ARVCF: variants seen among roughly 807,000 people sequenced by gnomAD.
The protein encoded by ARVCF is splicing regulator ARVCF.
ARVCF carries 66 observed loss-of-function variants against 90.9 expected under a neutral mutation model. The observed-to-expected ratio is 0.73, with a 90% CI of 0.60 to 0.89. The LOEUF (loss-of-function observed/expected upper bound fraction) is 0.89, where lower values mean the gene tolerates loss of function less well. ARVCF is among the 40% of genes least tolerant of loss of function. ARVCF has a pLI of 0.00. For synonymous variants in ARVCF, 653 were observed against 603.4 expected, an observed-to-expected ratio of 1.08 and a Z score of -1.21; for missense variants, 1,469 against 1,382.3, an observed-to-expected ratio of 1.06 and a Z score of -1.00.
At chr22:19,973,611 T>A in intron 13 of ARVCF, 32 bp downstream of exon 13, 1 of 1,584,112 alleles carries the variant, frequency 6.3e-7, no homozygotes, top group Non-Finnish European at 8.6e-7. Context: ...CACAGTTCGG[T>A]GCCCAGGCGT....
intron 2 of ARVCF, among the ~76,000 whole-genome samples, chr22:20,006,736 A>G (rs1275950205): frequency 6.6e-6 from 1 of 150,878 alleles, no homozygotes; most frequent in Non-Finnish European, 1.5e-5. Context: ...GGTTCAAGTG[A>G]TTCTCCTGCC....
chr22:19,981,445 C>A lies in ARVCF; in HGVS notation c.662G>T (p.Gly221Val), dbSNP rs1943493612. ...RPPRAGPLGP[G>V]PGDGCFTLPG... ...CAGTGTGAAGCAGCCATCACCAGGG[C>A]CTGGGCCAAGGGGGCCAGCACGTGG... The change falls in exon 5 of 20, where the codon GGC (glycine) becomes GTC (valine). Residue 221 changes from glycine (G) to valine (V), a missense_variant. Gly to Val is a moderately radical substitution (Grantham distance 109). Transcript: ENST00000263207. 1.3e-6 allele frequency: 2 copies of A among 1,560,156 alleles called. No individual in the cohort carries two copies. The highest frequency in any genetic ancestry group is 1.9e-5 in the Admixed American group (1 of 52,298).
chr22:19,975,319 CTGGCT>C (rs1943090252), intron 11 of ARVCF, among the ~76,000 whole-genome samples: 1 of 152,232 alleles, frequency 6.6e-6, no homozygotes, highest in African/African-American at 2.4e-5. Context: ...GCATGCCCGC[CTGGCT>C]CCCAGCCCCC....
intron 1 of ARVCF, among the ~76,000 whole-genome samples, chr22:20,012,346 C>T (rs1409035346): frequency 2.6e-5 from 4 of 152,244 alleles, no homozygotes; most frequent in African/African-American, 9.6e-5. Flanking sequence ...GTGCACTAGG[C>T]ACATCAGCAT....
intron 3 of ARVCF, 37 bp downstream of exon 3, chr22:19,990,548 G>A: frequency 1.3e-6 from 2 of 1,569,506 alleles, no homozygotes; most frequent in South Asian, 1.1e-5. Flanking sequence ...TTTCCCACTT[G>A]GCAATTTTCA....
Position 19,973,421 on chromosome 22 carries a change from G to A in ARVCF, c.2240-104C>T. On this transcript the variant is annotated intron_variant, in intron 13 of 19. Coordinates refer to ENST00000263207, the MANE Select transcript of ARVCF (RefSeq NM_001670.3). ...GGGCACTGCCAGGAGAGCCCCTGGA[G>A]ACCGCCTGTGTGCAGGCGGTCACAG... The A allele has an allele frequency of 2.8e-6, 4 of 1,404,640 alleles. No individual in the cohort carries two copies. The South Asian group carries it at 5.6e-5, about 20-fold the overall frequency. 87.0% of individuals were successfully genotyped at this position (1,404,640 alleles called of 1,614,324 possible).
intron 2 of ARVCF, among the ~76,000 whole-genome samples, chr22:19,993,880 C>A (rs1944123255): frequency 6.6e-6 from 1 of 152,196 alleles, no homozygotes; most frequent in Admixed American, 6.5e-5. Context: ...CAGCCCCCAC[C>A]CAGCCCCAGC....
At chr22:19,979,149 G>A (rs1601596907) in intron 6 of ARVCF, 69 bp from the exon 7 acceptor site, 15 of 1,512,104 alleles carry the variant, frequency 9.9e-6, no homozygotes, top group Middle Eastern at 1.8e-4. Context: ...AGGTGGCCAC[G>A]CTCAGGACCT....
intron 2 of ARVCF, among the ~76,000 whole-genome samples, chr22:19,997,888 G>A (rs961977871): frequency 1.3e-5 from 2 of 152,238 alleles, no homozygotes; most frequent in African/African-American, 2.4e-5. Flanking sequence ...CACCCACCCC[G>A]CAAGGTGCCG....
intron 10 of ARVCF, 86 bp downstream of exon 10, chr22:19,976,620 G>A: frequency 8.6e-6 from 13 of 1,505,866 alleles, no homozygotes; most frequent in Non-Finnish European, 1.1e-5. Context: ...GGGTGGGGCA[G>A]GGCCCTGGGG....
chr22:19,984,890 G>A (rs1943683741), intron 3 of ARVCF, among the ~76,000 whole-genome samples: 1 of 152,238 alleles, frequency 6.6e-6, no homozygotes, highest in African/African-American at 2.4e-5. Context: ...AAACTGAGGT[G>A]TAGAGTAGTG....
chr22:19,970,908 G>T (rs1569142513), intron 19 of ARVCF, among the ~76,000 whole-genome samples, 165 bp from the exon 20 acceptor site: 1 of 152,180 alleles, frequency 6.6e-6, no homozygotes, highest in Admixed American at 6.5e-5. Context: ...TTGGCACCAG[G>T]GCTGATCCTG....
chr22:20,002,729 C>G (rs1047623415), intron 2 of ARVCF, among the ~76,000 whole-genome samples: 1 of 152,204 alleles, frequency 6.6e-6, no homozygotes, highest in African/African-American at 2.4e-5. Flanking sequence ...GCTGCCACCA[C>G]CACAAGTTTG....
At chr22:19,997,162 C>T (rs139014569) in intron 2 of ARVCF, among the ~76,000 whole-genome samples, 5 of 152,184 alleles carry the variant, frequency 3.3e-5, no homozygotes, top group Non-Finnish European at 5.9e-5. Context: ...AGCTGGGGTC[C>T]GGTCAAGGCA....
intron 2 of ARVCF, among the ~76,000 whole-genome samples, chr22:20,008,294 T>C (rs1944706126): frequency 6.6e-6 from 1 of 152,168 alleles, no homozygotes; most frequent in Admixed American, 6.5e-5. Flanking sequence ...TGCTGGTCTC[T>C]GAGAGGACAC....
Position 19,973,020 on chromosome 22 carries a change from C to A in ARVCF, c.2455G>T (p.Ala819Ser), listed in dbSNP as rs1942917955. ...LVASSQSVRE[A>S]KAASHVLQTV... is the part of the protein sequence containing the mutation. ...TGCAGCACGTGTGACGCCGCCTTCG[C>A]TTCGCGTACCGATTGGCTGTGGGGC... is the stretch of plus-strand genomic sequence containing the variant. Residue 819 changes from alanine (A) to serine (S), a missense_variant, in exon 15 of 20, where the codon GCG becomes TCG. Transcript: ENST00000263207. The A allele has an allele frequency of 6.2e-7, 1 of 1,613,132 alleles. No individual in the cohort carries two copies. The highest frequency in any genetic ancestry group is 1.1e-5 in the South Asian group (1 of 91,092).
At chr22:19,980,893 C>T in intron 5 of ARVCF, 1 of 338,052 alleles carries the variant, frequency 3.0e-6, no homozygotes, top group Non-Finnish European at 5.4e-6. Context: ...AAACTGAGGG[C>T]AATGGGGACA....
chr22:19,993,554 C>T (rs1944109802), intron 2 of ARVCF, among the ~76,000 whole-genome samples: 1 of 152,228 alleles, frequency 6.6e-6, no homozygotes, highest in Non-Finnish European at 1.5e-5. Context: ...CCAATGCCAC[C>T]TTGGCCTCCC....
intron 3 of ARVCF, among the ~76,000 whole-genome samples, chr22:19,985,308 C>T (rs1943708320): frequency 6.6e-6 from 1 of 152,194 alleles, no homozygotes; most frequent in Non-Finnish European, 1.5e-5. Flanking sequence ...CTCTGGTGCA[C>T]CAGGTCTGGG....
Sources: allele counts gnomAD v4.1 joint callset (sites outside exome capture counted in the v4.1 genomes callset), GRCh38; gene constraint gnomAD v4.1.1; transcripts MANE v1.5; gene names NCBI Gene and HGNC (gene_info 2026-07-23, HGNC 2026-07-21).